Variants in AGRN observed in about 807,000 individuals in gnomAD.
The protein encoded by AGRN is agrin.
A neutral mutation model predicts 211.0 loss-of-function variants in AGRN; 106 were observed. The ratio of observed to expected loss-of-function variants is 0.50; its 90% CI spans 0.43 to 0.59. AGRN has a LOEUF of 0.59. Ranked by LOEUF, AGRN falls within the 20% of genes least tolerant of loss-of-function variation. The pLI is 0.00. For synonymous variants in AGRN, 1,525 were observed against 1,332.5 expected, an observed-to-expected ratio of 1.14 and a Z score of -3.15; for missense variants, 3,040 against 2,982.6, an observed-to-expected ratio of 1.02 and a Z score of -0.45.
At chr1:1,034,217 C>T in intron 2 of AGRN, 1 of 985,294 alleles carries the variant, frequency 1.0e-6, no homozygotes, top group Non-Finnish European at 1.2e-6. Flanking sequence ...TGCGCGGCTC[C>T]GGGGGCTCCG....
At chr1:1,054,388 G>T in intron 34 of AGRN, 60 bp from the exon 35 acceptor site, 8 of 1,435,056 alleles carry the variant, frequency 5.6e-6, no homozygotes, top group East Asian at 2.5e-5. Context: ...AGGGCTTATG[G>T]TCTAGAGGAG....
In AGRN at chr1:1,034,586, C is replaced by T. The variant is rs943093078; in HGVS notation, c.464-691C>T. On this transcript the variant is annotated intron_variant, in intron 2 of 35. Transcript: ENST00000379370. Reference sequence around the variant, plus strand: ...TCCGCTGCCGCTGGCGCGGGACACCCGGCAGCCGCCTGGCGCCTCCCTGCT... The same window carrying T: ...TCCGCTGCCGCTGGCGCGGGACACCTGGCAGCCGCCTGGCGCCTCCCTGCT... The T allele has an allele frequency of 2.6e-5, 26 of 986,254 alleles. No homozygotes were observed. In the African/African-American group the frequency reaches 4.0e-4, roughly 15 times the overall value. 61.1% of individuals were successfully genotyped at this position (986,254 alleles called of 1,614,324 possible). A position where few individuals can be genotyped will look rare whatever the true frequency, so the allele number is the denominator to read the frequency against.
chr1:1,025,705 G>A (rs998449293), intron 2 of AGRN, among the ~76,000 whole-genome samples: 2 of 151,970 alleles, frequency 1.3e-5, no homozygotes, highest in Admixed American at 1.3e-4. Context: ...TCTCCCTCCT[G>A]CAGCTGGGAG....
At chr1:1,030,161 GCAGTGCATGGTGC>G (rs1644629426) in intron 2 of AGRN, among the ~76,000 whole-genome samples, 20 of 88,962 alleles carry the variant, frequency 2.2e-4, no homozygotes, top group East Asian at 3.9e-4. Context: ...GTGTGTGTGT[GCAGTGCATGGTGC>G]TGTGAGATCA....
At chr1:1,054,604 G>C (rs755705603) in intron 35 of AGRN, 53 bp downstream of exon 35, 19 of 1,544,520 alleles carry the variant, frequency 1.2e-5, no homozygotes, top group Non-Finnish European at 1.7e-5. Flanking sequence ...CATGATATCC[G>C]AGGGACAGAC....
intron 3 of AGRN, among the ~76,000 whole-genome samples, chr1:1,037,053 A>G (rs539845765): frequency 6.6e-5 from 10 of 152,224 alleles, no homozygotes; most frequent in African/African-American, 2.2e-4. Flanking sequence ...GCAGGAGGGT[A>G]TGGACTCAGA....
In AGRN at chr1:1,041,528, C is replaced by T. The variant is rs1234937831; in HGVS notation, c.1003C>T (p.Pro335Ser). Reference protein sequence around the residue: ...PDPSRSCRVNPRTRRPEMLLR... With the variant: ...PDPSRSCRVNSRTRRPEMLLR... ...CCCGAGCCGCAGCTGCCGTGTGAAC[C>T]CGCGCACGCGGCGCCCTGAGATGCT... Residue 335 changes from proline (P) to serine (S), a missense_variant, in exon 6 of 36, where the codon CCG becomes TCG. Around this residue, in one of 3 missense-constraint regions of AGRN, gnomAD observed 1,498 missense variants for 1,457.8 expected, o/e 1.03. Transcript: ENST00000379370. The T allele has an allele frequency of 6.2e-6, 10 of 1,603,688 alleles. No individual in the cohort carries two copies. The highest frequency in any genetic ancestry group is 1.1e-5 in the South Asian group (1 of 90,876).
intron 2 of AGRN, among the ~76,000 whole-genome samples, chr1:1,029,896 AGTGTG>A (rs1162940696): frequency 4.4e-5 from 2 of 45,184 alleles, no homozygotes; most frequent in Admixed American, 2.2e-4. Context: ...CTGTGAGATC[AGTGTG>A]TGTGTGTGTG....
intron 14 of AGRN, 38 bp downstream of exon 14, chr1:1,045,561 C>A (rs191762234): frequency 6.2e-7 from 1 of 1,609,162 alleles, no homozygotes; most frequent in South Asian, 1.1e-5. Context: ...CCGGCTATGC[C>A]CTCCTACCTG....
Position 1,046,650 on chromosome 1 carries a change from C to A in AGRN, c.3165C>A (p.Ser1055=), listed in dbSNP as rs753211720. 6.3e-7 allele frequency: 1 copy of A among 1,595,976 alleles called. No individual in the cohort carries two copies. Among genetic ancestry groups the A allele is most frequent in the Non-Finnish European group, 8.5e-7 (1 of 1,176,852 alleles). ...CCCCTGCACCCAGCCTGGTGGCGTC[C>A]GCCTTTGGTGAATCTGGCAGCACTG... The part of the protein sequence containing the change: ...APSPAPSLVA[S]AFGESGSTDG... Residue 1055 remains serine (S), a synonymous_variant, in exon 18 of 36, where the codon TCC becomes TCA. Transcript: ENST00000379370.
chr1:1,035,085 A>G (rs916548848), intron 2 of AGRN, 192 bp from the exon 3 acceptor site: 3 of 682,678 alleles, frequency 4.4e-6, no homozygotes, highest in Non-Finnish European at 7.7e-6. Flanking sequence ...GGCAGAGAAA[A>G]GCAGGGGCCT....
In AGRN at chr1:1,049,331, G is replaced by C; in HGVS notation, c.4394G>C (p.Arg1465Pro). The C allele has an allele frequency of 6.3e-7, 1 of 1,598,018 alleles. No homozygotes were observed. Among genetic ancestry groups the C allele is most frequent in the Non-Finnish European group, 8.5e-7 (1 of 1,179,442 alleles). Residue 1465 changes from arginine (R) to proline (P), a missense_variant, in exon 25 of 36, where the codon CGG becomes CCG. Around this residue, in one of 3 missense-constraint regions of AGRN, gnomAD observed 1,537 missense variants for 1,505.0 expected, o/e 1.02. Coordinates refer to ENST00000379370, the MANE Select transcript of AGRN (RefSeq NM_198576.4). Reference sequence around the variant, plus strand: ...CTGGAGCTGTCCCGGCACTGGCGCCGGGGCACCCTCTCGGTGGATGGTGAG... The same window carrying C: ...CTGGAGCTGTCCCGGCACTGGCGCCCGGGCACCCTCTCGGTGGATGGTGAG... ...HRLELSRHWR[R>P]GTLSVDGETP...
At chr1:1,024,578 C>T (rs992045890) in intron 2 of AGRN, among the ~76,000 whole-genome samples, 5 of 152,080 alleles carry the variant, frequency 3.3e-5, no homozygotes, top group African/African-American at 7.2e-5. Context: ...GACAAAGGCC[C>T]CTCCGAGCTC....
At chr1:1,045,614 G>A (rs569170816) in intron 14 of AGRN, 91 bp downstream of exon 14, 3 of 1,605,634 alleles carry the variant, frequency 1.9e-6, no homozygotes, top group South Asian at 2.2e-5. Flanking sequence ...CCCAGGCCCT[G>A]GCCTGACCCA....
chr1:1,020,735 TC>T (rs1054672237), intron 1 of AGRN, among the ~76,000 whole-genome samples: 19 of 149,012 alleles, frequency 1.3e-4, no homozygotes, highest in African/African-American at 4.4e-4. Flanking sequence ...ATCCGCTTGT[TC>T]CCCTCCCCAG....
rs111722742 is a variant in AGRN, at chr1:1,043,225, T to C, written c.1385-14T>C. Reference sequence around the variant, plus strand: ...GGGGCTTGTGGGACCACTGAGCCCCTGTGTCCTTCCCAGACCAGGCCCCGT... The same window carrying C: ...GGGGCTTGTGGGACCACTGAGCCCCCGTGTCCTTCCCAGACCAGGCCCCGT... On this transcript the variant is annotated splice_polypyrimidine_tract_variant and intron_variant, in intron 7 of 35. Coordinates refer to ENST00000379370, the MANE Select transcript of AGRN (RefSeq NM_198576.4). 1.4e-5 allele frequency: 5 copies of C among 352,288 alleles called. No individual in the cohort carries two copies. The highest frequency in any genetic ancestry group is 3.3e-5 in the African/African-American group (2 of 60,488). 21.8% of individuals were successfully genotyped at this position (352,288 alleles called of 1,614,324 possible).
chr1:1,037,395 C>T (rs749678520), intron 3 of AGRN, among the ~76,000 whole-genome samples: 1 of 152,196 alleles, frequency 6.6e-6, no homozygotes, highest in Non-Finnish European at 1.5e-5. Flanking sequence ...CCAAGGCCAT[C>T]GTGACCCACA....
intron 2 of AGRN, among the ~76,000 whole-genome samples, chr1:1,029,365 A>ATCTATGCAGGCAGGAGGGGGGATCAGTG (rs1644595254): frequency 1.7e-5 from 1 of 57,812 alleles, no homozygotes; most frequent in African/African-American, 6.2e-5. Context: ...GATGCCCAAT[A>ATCTATGCAGGCAGGAGGGGGGATCAGTG]TCTATGCAGG....
rs375197922 is a variant in AGRN, at chr1:1,047,453, C to A, written c.3515C>A (p.Thr1172Asn). The A allele has an allele frequency of 1.2e-6, 2 of 1,612,634 alleles. No individual in the cohort carries two copies. Among genetic ancestry groups the A allele is most frequent in the African/African-American group, 2.7e-5 (2 of 74,920 alleles). Residue 1172 changes from threonine (T) to asparagine (N), a missense_variant and splice_region_variant, in exon 20 of 36, where the codon ACC (threonine) becomes AAC (asparagine). Thr to Asn is a moderately conservative substitution (Grantham distance 65, BLOSUM62 0). Coordinates refer to ENST00000379370, the MANE Select transcript of AGRN (RefSeq NM_198576.4). ...FGETARSIES[T>N]LDDLFRNSDV... is the part of the protein sequence containing the mutation. Reference sequence around the variant, plus strand: ...GAGACAGCCAGGAGCATTGAGAGCACCGTAAGACGGGGGCGCAGCCCCCAC... The same window carrying A: ...GAGACAGCCAGGAGCATTGAGAGCAACGTAAGACGGGGGCGCAGCCCCCAC...
Sources: gnomAD v4.1 joint callset for allele counts (sites outside exome capture counted in the v4.1 genomes callset) on GRCh38, gnomAD v4.1.1 for gene constraint, gnomAD v4.1.1 regional missense constraint, MANE v1.5 for transcripts, NCBI Gene and HGNC (gene_info 2026-07-23, HGNC 2026-07-21) for gene names.